The following FRYL variants were observed in gnomAD, a reference collection of about 807,000 sequenced individuals.
FRYL encodes protein furry homolog-like.
Under a neutral mutation model 351.2 loss-of-function variants are expected in FRYL, and 150 were observed. The ratio of observed to expected loss-of-function variants is 0.43; its 90% CI spans 0.37 to 0.49. The LOEUF (loss-of-function observed/expected upper bound fraction) is 0.49. FRYL is among the 20% of genes least tolerant of loss of function. FRYL has a pLI of 0.00. For missense variants in FRYL, 3,036 were observed against 3,619.3 expected (o/e 0.84, Z 4.13); for synonymous variants, 1,153 against 1,257.1 (o/e 0.92, Z 1.75).
rs775253447 is a variant in FRYL, at chr4:48,717,571, G to C, written c.-383-6873C>G. Among the ~76,000 whole-genome samples, 3 of 151,498 alleles carry C rather than the reference G, an allele frequency of 2.0e-5. No homozygotes were observed. The Admixed American group carries it at 2.0e-4, about 10-fold the overall frequency. On this transcript the variant is annotated intron_variant, in intron 1 of 63. Transcript: ENST00000358350. ...ACTTTATTTATTTGAAAAGGGGTTT[G>C]ACTCTGTCACCTAGGCTGGAGTGCA...
chr4:48,772,022 T>G (rs192081847), intron 1 of FRYL, among the ~76,000 whole-genome samples: 1 of 152,328 alleles, frequency 6.6e-6, no homozygotes, highest in East Asian at 1.9e-4. Flanking sequence ...CTGAGGACAC[T>G]AATTGGCTAG....
At chr4:48,716,364 G>T (rs1480689105) in intron 1 of FRYL, among the ~76,000 whole-genome samples, 2 of 151,344 alleles carry the variant, frequency 1.3e-5, no homozygotes, top group South Asian at 4.2e-4. Flanking sequence ...GAAAATTTTC[G>T]CAACCTACTC....
chr4:48,740,289 A>T (rs1390920918), intron 1 of FRYL, among the ~76,000 whole-genome samples: 7 of 97,882 alleles, frequency 7.2e-5, no homozygotes, highest in Non-Finnish European at 9.7e-5. Flanking sequence ...AAACAATCTG[A>T]TTTTTTTTTT....
intron 4 of FRYL, among the ~76,000 whole-genome samples, chr4:48,630,170 G>C (rs1464782918): frequency 6.6e-6 from 1 of 152,138 alleles, no homozygotes; most frequent in Non-Finnish European, 1.5e-5. Flanking sequence ...ATCTGACACT[G>C]ATGGTCCATT....
At chr4:48,687,264 C>T (rs902567065) in intron 2 of FRYL, among the ~76,000 whole-genome samples, 1 of 151,998 alleles carries the variant, frequency 6.6e-6, no homozygotes. Flanking sequence ...ATACAAATAA[C>T]CATTGCTGTT....
chr4:48,612,742 C>T lies in FRYL; in HGVS notation c.412-2919G>A, dbSNP rs1748485883. ...TACAGGCGCCTGCCACCATGCCTGG[C>T]TAATTTTTTTTTTTTTTTTTGTATT... is the stretch of plus-strand genomic sequence containing the variant. On this transcript the variant is annotated intron_variant, in intron 7 of 63. Transcript: ENST00000358350. Among the ~76,000 whole-genome samples, 6 of 118,770 alleles carry T rather than the reference C, an allele frequency of 5.1e-5. No individual in the cohort carries two copies. The South Asian group carries it at 1.9e-3, about 37-fold the overall frequency. 77.9% of individuals were successfully genotyped at this position (118,770 alleles called of 152,430 possible).
chr4:48,550,690 T>C lies in FRYL; in HGVS notation c.4535A>G (p.Asp1512Gly). The C allele has an allele frequency of 1.2e-6, 2 of 1,611,936 alleles. No homozygotes were observed. Among genetic ancestry groups the C allele is most frequent in the Non-Finnish European group, 1.7e-6 (2 of 1,178,020 alleles). The stretch of plus-strand genomic sequence containing the variant: ...ATGACTGTTTAGTCCACTGTAAATG[T>C]CCAGGTGCACATAGCTATGGGAATG... ...ENIEESYVHL[D>G]IYSGLNSHLN... Residue 1512 changes from aspartate (D) to glycine (G), a missense_variant, in exon 38 of 64, where the codon GAC becomes GGC. Physicochemically the swap from Asp to Gly is moderately conservative, Grantham distance 94. Coordinates refer to ENST00000358350, the MANE Select transcript of FRYL (RefSeq NM_015030.2).
chr4:48,563,012 A>G, intron 31 of FRYL, 24 bp from the exon 32 acceptor site: 1 of 1,368,096 alleles, frequency 7.3e-7, no homozygotes, highest in Non-Finnish European at 1.0e-6. Context: ...TTACATATTA[A>G]GTAAATAACA....
intron 1 of FRYL, among the ~76,000 whole-genome samples, chr4:48,772,727 A>C (rs1483808392): frequency 1.3e-5 from 2 of 148,810 alleles, no homozygotes; most frequent in African/African-American, 4.9e-5. Context: ...AAGAATTCTG[A>C]GAAGTGGAAA....
intron 7 of FRYL, among the ~76,000 whole-genome samples, chr4:48,615,697 A>T (rs1267683025): frequency 6.6e-6 from 1 of 152,208 alleles, no homozygotes; most frequent in Non-Finnish European, 1.5e-5. Context: ...CCACTACTTA[A>T]TTTCATCATA....
In FRYL at chr4:48,540,839, C is replaced by A; in HGVS notation, c.5809G>T (p.Ala1937Ser). Residue 1937 changes from alanine (A) to serine (S), a missense_variant, in exon 46 of 64, where the codon GCA (alanine) becomes TCA (serine). Ala to Ser is a moderately conservative substitution (Grantham distance 99, BLOSUM62 1). Coordinates refer to ENST00000358350, the MANE Select transcript of FRYL (RefSeq NM_015030.2). ...CTTAATCTCAAAGAGTTACTTCTTG[C>A]ATTACTGTTATATCCCAAATAACTG... ...SSSYLGYNSN[A>S]RSNSLRLSLI... 1 of 1,614,002 alleles carries A rather than the reference C, an allele frequency of 6.2e-7. No homozygotes were observed. The highest frequency in any genetic ancestry group is 8.5e-7 in the Non-Finnish European group (1 of 1,179,938).
rs148579038 is a variant in FRYL at position 48,536,064 on chromosome 4, C to A, written c.6394-237G>T. ...TCTTTGTGGGTACTAAATAGTACGG[C>A]CTTCTTCAGTCTGAAGATCTGTAAA... On this transcript the variant is annotated intron_variant, in intron 47 of 63. Coordinates refer to ENST00000358350, the MANE Select transcript of FRYL (RefSeq NM_015030.2). Among the ~76,000 whole-genome samples the A allele has an allele frequency of 1.2e-4, 18 of 152,254 alleles. No individual in the cohort carries two copies. The East Asian group carries it at 2.9e-3, about 24-fold the overall frequency.
chr4:48,606,391 G>C (rs929309863), intron 10 of FRYL, 47 bp downstream of exon 10: 2 of 1,281,770 alleles, frequency 1.6e-6, no homozygotes, highest in Non-Finnish European at 2.2e-6. Context: ...TGAAGAGCAA[G>C]GACTGTTAGG....
chr4:48,675,642 G>C (rs1763526452), intron 3 of FRYL, among the ~76,000 whole-genome samples: 1 of 152,210 alleles, frequency 6.6e-6, no homozygotes, highest in Non-Finnish European at 1.5e-5. Flanking sequence ...ATGGGCTCCT[G>C]TGTGGCCCTA....
intron 1 of FRYL, among the ~76,000 whole-genome samples, chr4:48,776,036 C>T (rs1277852830): frequency 7.4e-6 from 1 of 135,068 alleles, no homozygotes; most frequent in African/African-American, 2.8e-5. Flanking sequence ...CAGTCCTATA[C>T]AGAGGTTAAA....
chr4:48,571,970 C>T (rs1350984830), intron 26 of FRYL: 21 of 985,366 alleles, frequency 2.1e-5, no homozygotes, highest in Non-Finnish European at 2.4e-5. Flanking sequence ...TCATCCAGCA[C>T]TGTAACCAAA....
chr4:48,541,992 CTCT>C, intron 45 of FRYL, 32 bp downstream of exon 45: 1 of 1,411,388 alleles, frequency 7.1e-7, no homozygotes, highest in Non-Finnish European at 1.0e-6. Flanking sequence ...TATTCAAGTT[CTCT>C]CTATATTAGG....
rs972068305 is a variant in FRYL at position 48,676,563 on chromosome 4, T to G, written c.-81+8110A>C. On this transcript the variant is annotated intron_variant, in intron 3 of 63. Coordinates refer to ENST00000358350, the MANE Select transcript of FRYL (RefSeq NM_015030.2). ...GGCCCGGCTATTTTTTTTTTTTTTT[T>G]TGTATTTTTATTAGAGACGGGGTTT... Among the ~76,000 whole-genome samples the G allele has an allele frequency of 3.3e-5, 5 of 151,924 alleles. No homozygotes were observed. The South Asian group carries it at 8.3e-4, about 25-fold the overall frequency.
intron 1 of FRYL, among the ~76,000 whole-genome samples, chr4:48,713,067 C>G (rs919763920): frequency 4.1e-4 from 62 of 152,126 alleles, no homozygotes; most frequent in African/African-American, 1.4e-3. Context: ...CCTAGAAGAG[C>G]TCCTGAAGGA....
Sources: allele counts gnomAD v4.1 joint callset (sites outside exome capture counted in the v4.1 genomes callset), GRCh38; gene constraint gnomAD v4.1.1; transcripts MANE v1.5; gene names NCBI Gene and HGNC (gene_info 2026-07-23, HGNC 2026-07-21).